Variants in PABPC4L observed in about 807,000 individuals in gnomAD.
PABPC4L encodes the protein polyadenylate-binding protein 4-like.
For synonymous variants in PABPC4L, 169 were observed against 164.1 expected (o/e 1.03, Z -0.23); for missense variants, 452 against 451.4 (o/e 1.00, Z -0.01).
the PABPC4L span, among the ~76,000 whole-genome samples, chr4:134,072,539 G>C: frequency 1.3e-5 from 2 of 152,216 alleles, no homozygotes; most frequent in African/African-American, 4.8e-5. Flanking sequence ...AAGTAGGGAA[G>C]TGACATTTCT....
chr4:134,101,480 C>A, the PABPC4L span, among the ~76,000 whole-genome samples: 1 of 150,832 alleles, frequency 6.6e-6, no homozygotes, highest in Non-Finnish European at 1.5e-5. Flanking sequence ...AAGTTTTTTC[C>A]TTGGATTAAT....
At position 134,198,339 on chromosome 4, in the gene PABPC4L, T is replaced by G. The variant is rs1359772991; in HGVS notation, c.*1568A>C. The G allele has an allele frequency of 6.6e-6, 1 of 151,702 alleles. No homozygotes were observed. Among genetic ancestry groups the G allele is most frequent in the East Asian group, 1.9e-4 (1 of 5,186 alleles). The allele number at this position is 151,702 out of a possible 1,614,324, so 9.4% of individuals were successfully genotyped here. A position where few individuals can be genotyped will look rare whatever the true frequency, so the allele number is the denominator to read the frequency against. ...ACAATTATATGCAAATTCTTTTAAT[T>G]TTTTCATTGTCCATAATTTTTTATG... is the stretch of plus-strand genomic sequence containing the variant. On this transcript the variant is annotated 3_prime_UTR_variant, in exon 2 of 2. Coordinates refer to ENST00000421491, the MANE Select transcript of PABPC4L (RefSeq NM_001114734.2).
the PABPC4L span, among the ~76,000 whole-genome samples, chr4:134,134,828 C>T: frequency 6.6e-6 from 1 of 151,734 alleles, no homozygotes; most frequent in Non-Finnish European, 1.5e-5. Context: ...CTTGTGTCTT[C>T]AATTTCCTGC....
the PABPC4L span, among the ~76,000 whole-genome samples, chr4:134,095,652 A>G: frequency 3.3e-4 from 50 of 152,084 alleles, no homozygotes; most frequent in Middle Eastern, 3.4e-3. Context: ...TTCACTTTTC[A>G]TAAGCCCTTC....
chr4:134,030,495 C>T, the PABPC4L span, among the ~76,000 whole-genome samples: 1 of 152,006 alleles, frequency 6.6e-6, no homozygotes. Flanking sequence ...ACATATCAAT[C>T]CACCTCTTCT....
the PABPC4L span, among the ~76,000 whole-genome samples, chr4:134,077,941 G>A: frequency 6.6e-6 from 1 of 151,554 alleles, no homozygotes; most frequent in Admixed American, 6.6e-5. Flanking sequence ...GCCCATGGGG[G>A]AAAACCAACC....
At chr4:133,976,609 C>G in the PABPC4L span, among the ~76,000 whole-genome samples, 1 of 152,144 alleles carries the variant, frequency 6.6e-6, no homozygotes, top group African/African-American at 2.4e-5. Context: ...TCTCTGCAAC[C>G]TCACCAGCAT....
the PABPC4L span, among the ~76,000 whole-genome samples, chr4:133,965,712 G>A: frequency 8.1e-4 from 123 of 152,174 alleles, no homozygotes; most frequent in African/African-American, 2.9e-3. Context: ...AACATAAAGT[G>A]AGGAAAGGAC....
chr4:134,096,068 G>T, the PABPC4L span, among the ~76,000 whole-genome samples: 1 of 151,880 alleles, frequency 6.6e-6, no homozygotes, highest in Non-Finnish European at 1.5e-5. Context: ...TGTTAGTTTT[G>T]TTTATGACTG....
At chr4:134,044,138 C>G in the PABPC4L span, among the ~76,000 whole-genome samples, 1 of 152,036 alleles carries the variant, frequency 6.6e-6, no homozygotes, top group Non-Finnish European at 1.5e-5. Flanking sequence ...CCCATGTTGT[C>G]CAGGCTGGTC....
the PABPC4L span, among the ~76,000 whole-genome samples, chr4:133,957,842 G>A: frequency 6.5e-3 from 992 of 152,256 alleles, 4 homozygotes; most frequent in Non-Finnish European, 9.2e-3. Flanking sequence ...CTGTACCCTC[G>A]TCCCTTTTAG....
At chr4:134,078,967 CTTTTT>C in the PABPC4L span, among the ~76,000 whole-genome samples, 4 of 63,788 alleles carry the variant, frequency 6.3e-5, no homozygotes, top group African/African-American at 2.0e-4. Context: ...CGTGCCCGGG[CTTTTT>C]TTTTTTTTTT....
chr4:134,003,719 G>A, the PABPC4L span, among the ~76,000 whole-genome samples: 28 of 151,896 alleles, frequency 1.8e-4, no homozygotes, highest in African/African-American at 3.9e-4. Flanking sequence ...ACTTGTAACC[G>A]TCAATGACAA....
the PABPC4L span, among the ~76,000 whole-genome samples, chr4:134,036,787 G>A: frequency 2.0e-5 from 3 of 152,050 alleles, no homozygotes; most frequent in African/African-American, 4.8e-5. Context: ...CCAATGCAGT[G>A]GCTCATGCCT....
the PABPC4L span, among the ~76,000 whole-genome samples, chr4:134,109,906 T>C: frequency 3.9e-5 from 6 of 151,998 alleles, no homozygotes; most frequent in Non-Finnish European, 5.9e-5. Flanking sequence ...CCAGAAACTC[T>C]TGATGGTTTG....
At chr4:133,951,632 C>A in the PABPC4L span, among the ~76,000 whole-genome samples, 5 of 152,186 alleles carry the variant, frequency 3.3e-5, no homozygotes, top group South Asian at 1.0e-3. Flanking sequence ...AGGGCCACAC[C>A]CTGGTCTACT....
At chr4:134,142,170 A>G in the PABPC4L span, among the ~76,000 whole-genome samples, 1 of 151,780 alleles carries the variant, frequency 6.6e-6, no homozygotes, top group Non-Finnish European at 1.5e-5. Flanking sequence ...TTCAAAGATT[A>G]GTAGTTCTTG....
chr4:134,025,324 A>G, the PABPC4L span, among the ~76,000 whole-genome samples: 614 of 150,774 alleles, frequency 4.1e-3, 7 homozygotes, highest in Non-Finnish European at 4.9e-3. Context: ...AAAAAAAAAA[A>G]AAAAAAGAGT....
At chr4:133,985,427 G>A in the PABPC4L span, among the ~76,000 whole-genome samples, 7 of 151,956 alleles carry the variant, frequency 4.6e-5, no homozygotes, top group African/African-American at 1.7e-4. Flanking sequence ...GAAAAAGCAT[G>A]ATACCAGTAT....
Sources: allele counts gnomAD v4.1 joint callset (sites outside exome capture counted in the v4.1 genomes callset), GRCh38; gene constraint gnomAD v4.1.1; transcripts MANE v1.5; gene names NCBI Gene and HGNC (gene_info 2026-07-23, HGNC 2026-07-21).